The following PRKN variants were observed in gnomAD, a reference collection of about 807,000 sequenced individuals.
The protein encoded by PRKN is parkin RBR E3 ubiquitin protein ligase, also known as E3 ubiquitin-protein ligase parkin.
A neutral mutation model predicts 59.5 loss-of-function variants in PRKN; 56 were observed. The ratio of observed to expected loss-of-function variants is 0.94; its 90% CI spans 0.76 to 1.18. The LOEUF (loss-of-function observed/expected upper bound fraction) is 1.18, where lower values mean the gene tolerates loss of function less well. Among genes scored for constraint, PRKN ranks in the 50% most tolerant of loss-of-function variants. PRKN has a pLI of 0.00. For missense variants in PRKN, 657 were observed against 596.4 expected (o/e 1.10, Z -1.06); for synonymous variants, 250 against 222.1 (o/e 1.13, Z -1.12).
intron 7 of PRKN, among the ~76,000 whole-genome samples, chr6:161,735,561 C>A (rs770978216): frequency 1.3e-5 from 2 of 152,162 alleles, no homozygotes; most frequent in African/African-American, 2.4e-5. Context: ...AGATTTGCAA[C>A]TGTGCAGGGG....
intron 2 of PRKN, among the ~76,000 whole-genome samples, chr6:162,326,021 C>T (rs780105647): frequency 2.0e-5 from 3 of 152,082 alleles, no homozygotes; most frequent in African/African-American, 7.2e-5. Flanking sequence ...AGAGGCCGCT[C>T]ATAGAAGGAG....
chr6:162,235,479 G>A (rs1305526492), intron 3 of PRKN, among the ~76,000 whole-genome samples: 2 of 152,076 alleles, frequency 1.3e-5, no homozygotes, highest in East Asian at 3.9e-4. Context: ...TTTTACCTGA[G>A]GTCTGAGCCC....
chr6:162,076,091 C>T (rs570460054), intron 4 of PRKN, among the ~76,000 whole-genome samples: 2 of 151,770 alleles, frequency 1.3e-5, no homozygotes, highest in South Asian at 2.1e-4. Flanking sequence ...GCCTCAACCT[C>T]CCTAGTAGCT....
intron 3 of PRKN, among the ~76,000 whole-genome samples, chr6:162,234,266 G>A (rs1778547551): frequency 6.6e-6 from 1 of 152,196 alleles, no homozygotes; most frequent in Non-Finnish European, 1.5e-5. Flanking sequence ...TTGGGGCAGA[G>A]GTGGGGAGAC....
At chr6:162,210,107 A>AAAAATAAAATGAAATAAAAT (rs1554285074) in intron 3 of PRKN, among the ~76,000 whole-genome samples, 1 of 144,162 alleles carries the variant, frequency 6.9e-6, no homozygotes, top group Non-Finnish European at 1.5e-5. Flanking sequence ...TATAATAATA[A>AAAAATAAAATGAAATAAAAT]AAAATAAAAT....
At chr6:162,498,689 T>G (rs1793214838) in intron 1 of PRKN, among the ~76,000 whole-genome samples, 1 of 151,852 alleles carries the variant, frequency 6.6e-6, no homozygotes, top group African/African-American at 2.4e-5. Flanking sequence ...AACTGCCGCC[T>G]TTAAGTGACT....
chr6:162,320,213 A>T (rs1044805667), intron 2 of PRKN, among the ~76,000 whole-genome samples: 4 of 151,712 alleles, frequency 2.6e-5, no homozygotes, highest in Non-Finnish European at 5.9e-5. Context: ...TCATTCATTG[A>T]TGGACACTTA....
chr6:162,659,679 T>C (rs1778805917), intron 1 of PRKN, among the ~76,000 whole-genome samples: 1 of 152,166 alleles, frequency 6.6e-6, no homozygotes, highest in African/African-American at 2.4e-5. Context: ...TTATTCTGTC[T>C]CTGAAGTTCT....
chr6:162,470,312 T>C (rs996510113), intron 1 of PRKN, among the ~76,000 whole-genome samples: 1 of 152,180 alleles, frequency 6.6e-6, no homozygotes, highest in African/African-American at 2.4e-5. Flanking sequence ...AGGCGCTGTT[T>C]TAGGCACCGT....
chr6:162,302,989 C>CACAT (rs1782033245), intron 2 of PRKN, among the ~76,000 whole-genome samples: 1 of 151,636 alleles, frequency 6.6e-6, no homozygotes, highest in Admixed American at 6.6e-5. Context: ...CACACACACA[C>CACAT]ACACACACAC....
rs1789478697 is a variant in PRKN at position 161,446,097 on chromosome 6, G to A, written c.1084-59220C>T. Among the ~76,000 whole-genome samples, 2 of 151,968 alleles carry A rather than the reference G, an allele frequency of 1.3e-5. No individual in the cohort carries two copies. The highest frequency in any genetic ancestry group is 4.8e-5 in the African/African-American group (2 of 41,364). ...CACATGCCTATGGTCCCAGGTATCT[G>A]GAGCATGGGGTGGTGGTGGGGTGGT... On this transcript the variant is annotated intron_variant, in intron 9 of 11. Transcript: ENST00000366898. The surrounding 1 kb of genome is among the most constrained non-coding windows in gnomAD (Gnocchi z 6.2).
intron 9 of PRKN, among the ~76,000 whole-genome samples, chr6:161,392,979 C>T (rs916156055): frequency 3.3e-5 from 5 of 152,028 alleles, no homozygotes; most frequent in Admixed American, 1.3e-4. Context: ...TGTACTAGAT[C>T]TTTACATGTT....
At chr6:162,516,224 T>G (rs1225161203) in intron 1 of PRKN, among the ~76,000 whole-genome samples, 1 of 152,156 alleles carries the variant, frequency 6.6e-6, no homozygotes, top group Non-Finnish European at 1.5e-5. Context: ...AAGTTCAATA[T>G]CTGCCATCTG....
At chr6:161,936,871 C>A (rs1004346539) in intron 6 of PRKN, among the ~76,000 whole-genome samples, 1 of 151,758 alleles carries the variant, frequency 6.6e-6, no homozygotes, top group African/African-American at 2.4e-5. Context: ...CTGAAACCTC[C>A]ACCTCCCGGG....
At chr6:162,559,082 C>T (rs1167790437) in intron 1 of PRKN, among the ~76,000 whole-genome samples, 1 of 141,908 alleles carries the variant, frequency 7.0e-6, no homozygotes, top group Admixed American at 7.6e-5. Flanking sequence ...ACCCAGGAGG[C>T]GGAGCTTGTA....
chr6:161,747,903 T>G (rs1029150815), intron 7 of PRKN, among the ~76,000 whole-genome samples: 1 of 152,250 alleles, frequency 6.6e-6, no homozygotes, highest in Admixed American at 6.5e-5. Flanking sequence ...TTGAAAGTGA[T>G]GAACATCGCC....
At chr6:162,403,734 C>A (rs1182016642) in intron 2 of PRKN, among the ~76,000 whole-genome samples, 2 of 152,094 alleles carry the variant, frequency 1.3e-5, no homozygotes, top group Non-Finnish European at 2.9e-5. Context: ...AAAGCAGCCT[C>A]AAAGTTTGGA....
At chr6:162,511,930 G>A (rs1777638932) in intron 1 of PRKN, among the ~76,000 whole-genome samples, 1 of 152,112 alleles carries the variant, frequency 6.6e-6, no homozygotes, top group South Asian at 2.1e-4. Context: ...ATGAAAATAA[G>A]CCTCAGCTAA....
intron 2 of PRKN, among the ~76,000 whole-genome samples, chr6:162,440,417 T>C (rs781749661): frequency 6.6e-6 from 1 of 152,174 alleles, no homozygotes; most frequent in African/African-American, 2.4e-5. Flanking sequence ...GGTGAGGCAC[T>C]AAAACTAATT....
Sources: allele counts gnomAD v4.1 joint callset (sites outside exome capture counted in the v4.1 genomes callset), GRCh38; gene constraint gnomAD v4.1.1; non-coding constraint Gnocchi (gnomAD v3.1); transcripts MANE v1.5; gene names NCBI Gene and HGNC (gene_info 2026-07-23, HGNC 2026-07-21).